Variants in CERS6 observed in about 807,000 individuals in gnomAD.
CERS6 encodes ceramide synthase 6, also known as LAG1 homolog, ceramide synthase 6.
In CERS6, 26 loss-of-function variants were observed where a neutral mutation model predicts 56.8. That is an observed-to-expected ratio of 0.46 (90% confidence interval 0.34 to 0.63). The LOEUF is 0.63. CERS6 is among the 30% of genes least tolerant of loss of function. The pLI is 0.01. For missense variants in CERS6, 415 were observed against 467.5 expected (o/e 0.89, Z 1.04); for synonymous variants, 164 against 173.3 (o/e 0.95, Z 0.42).
intron 1 of CERS6, among the ~76,000 whole-genome samples, chr2:168,458,706 G>C (rs1369448038): frequency 6.6e-6 from 1 of 152,196 alleles, no homozygotes; most frequent in African/African-American, 2.4e-5. Flanking sequence ...TTAATGTTCA[G>C]AATAATAATC....
At chr2:168,746,229 T>A (rs1684092274) in intron 8 of CERS6, among the ~76,000 whole-genome samples, 1 of 152,214 alleles carries the variant, frequency 6.6e-6, no homozygotes, top group Non-Finnish European at 1.5e-5. Flanking sequence ...AAGTAGGTTT[T>A]AGCAACCTCA....
rs78942152 is a variant in CERS6 at position 168,614,300 on chromosome 2, C to T, written c.408-16685C>T. Among the ~76,000 whole-genome samples, 71 of 152,308 alleles carry T rather than the reference C, an allele frequency of 4.7e-4. 1 individual carries two copies. In the East Asian group the frequency reaches 0.013, roughly 28 times the overall value. On this transcript the variant is annotated intron_variant, in intron 3 of 9. Coordinates refer to ENST00000305747, the MANE Select transcript of CERS6 (RefSeq NM_203463.3). ...TAATATACATATGCATATGTGTGAA[C>T]ATATACACATGTATAAACATCTGTG... is the stretch of plus-strand genomic sequence containing the variant.
At chr2:168,703,398 A>T (rs1483646070) in intron 6 of CERS6, among the ~76,000 whole-genome samples, 1 of 152,126 alleles carries the variant, frequency 6.6e-6, no homozygotes, top group East Asian at 1.9e-4. Flanking sequence ...CTCTACTAAA[A>T]GTACAAAAAA....
At chr2:168,494,386 C>A (rs565807098) in intron 1 of CERS6, among the ~76,000 whole-genome samples, 42 of 152,264 alleles carry the variant, frequency 2.8e-4, no homozygotes, top group African/African-American at 9.9e-4. Context: ...GTTAGTTAAC[C>A]TTTCTGTGCT....
intron 1 of CERS6, among the ~76,000 whole-genome samples, chr2:168,514,367 C>A (rs913439602): frequency 7.9e-5 from 12 of 152,138 alleles, no homozygotes; most frequent in Non-Finnish European, 1.6e-4. Context: ...CTTGCTTTTC[C>A]TAGATTTAAT....
At chr2:168,499,655 G>A (rs1205611689) in intron 1 of CERS6, among the ~76,000 whole-genome samples, 1 of 152,084 alleles carries the variant, frequency 6.6e-6, no homozygotes, top group Non-Finnish European at 1.5e-5. Context: ...CTCCTTGTTT[G>A]GCTAGAAGAA....
intron 1 of CERS6, among the ~76,000 whole-genome samples, chr2:168,508,854 G>A (rs951587487): frequency 3.3e-5 from 5 of 152,128 alleles, no homozygotes; most frequent in African/African-American, 1.2e-4. Flanking sequence ...AGAACTTAAA[G>A]TATAATAAAA....
In CERS6 at chr2:168,773,598, C is replaced by T. The variant is rs2105477637; in HGVS notation, c.*3936C>T. 6.6e-6 allele frequency: 1 copy of T among 152,348 alleles called. No individual in the cohort carries two copies. The highest frequency in any genetic ancestry group is 2.4e-5 in the African/African-American group (1 of 41,590). 9.4% of individuals were successfully genotyped at this position (152,348 alleles called of 1,614,324 possible). On this transcript the variant is annotated 3_prime_UTR_variant, in exon 10 of 10. Coordinates refer to ENST00000305747, the MANE Select transcript of CERS6 (RefSeq NM_203463.3). ...AAATGCAATGAGCCCAGTTACTGCA[C>T]TTGCCACTACCATGCTGTCCATGGA...
At chr2:168,629,453 C>A (rs1684662401) in intron 3 of CERS6, among the ~76,000 whole-genome samples, 1 of 152,142 alleles carries the variant, frequency 6.6e-6, no homozygotes. Context: ...CTTGAGGCAT[C>A]ATTATAGCAC....
intron 6 of CERS6, among the ~76,000 whole-genome samples, chr2:168,697,663 GC>G (rs1278653553): frequency 6.6e-6 from 1 of 151,784 alleles, no homozygotes; most frequent in Non-Finnish European, 1.5e-5. Context: ...ACCAAGCAGA[GC>G]CCTGTGATTC....
intron 2 of CERS6, among the ~76,000 whole-genome samples, chr2:168,556,129 T>C (rs1177720624): frequency 6.6e-6 from 1 of 152,026 alleles, no homozygotes; most frequent in Admixed American, 6.6e-5. Context: ...TATCAAAGCA[T>C]AGAAAATTAA....
chr2:168,749,788 G>A (rs374969080), intron 8 of CERS6, among the ~76,000 whole-genome samples: 1 of 152,144 alleles, frequency 6.6e-6, no homozygotes, highest in Non-Finnish European at 1.5e-5. Context: ...TCTTGGCTTT[G>A]CCCAGGAAAA....
chr2:168,686,451 C>A (rs200792402), intron 4 of CERS6, among the ~76,000 whole-genome samples: 95 of 139,678 alleles, frequency 6.8e-4, no homozygotes, highest in Admixed American at 9.3e-4. Flanking sequence ...TTAACCAAGG[C>A]AAAAAAAAAA....
chr2:168,581,296 G>A (rs923236442), intron 3 of CERS6, among the ~76,000 whole-genome samples: 22 of 152,338 alleles, frequency 1.4e-4, no homozygotes, highest in African/African-American at 5.3e-4. Flanking sequence ...TGGGATTACA[G>A]GCGTGAGCCA....
intron 8 of CERS6, among the ~76,000 whole-genome samples, chr2:168,727,197 A>G (rs1029689364): frequency 1.3e-5 from 2 of 152,062 alleles, no homozygotes; most frequent in South Asian, 2.1e-4. Flanking sequence ...TGCTCTGTTC[A>G]CTGAAAAGTA....
At chr2:168,598,325 C>T (rs1239365132) in intron 3 of CERS6, among the ~76,000 whole-genome samples, 1 of 151,912 alleles carries the variant, frequency 6.6e-6, no homozygotes, top group Non-Finnish European at 1.5e-5. Flanking sequence ...ATATGGCAAC[C>T]TCGTTTTTGG....
chr2:168,680,067 G>A (rs1403716605), intron 4 of CERS6, among the ~76,000 whole-genome samples: 2 of 152,224 alleles, frequency 1.3e-5, no homozygotes, highest in East Asian at 3.9e-4. Flanking sequence ...TGGAGAGAAA[G>A]ACTCACAAAT....
chr2:168,585,824 C>T (rs1243046623), intron 3 of CERS6, among the ~76,000 whole-genome samples: 1 of 152,190 alleles, frequency 6.6e-6, no homozygotes, highest in African/African-American at 2.4e-5. Flanking sequence ...TCTTGGGCCA[C>T]GTCTCCCTGT....
intron 4 of CERS6, among the ~76,000 whole-genome samples, chr2:168,663,006 T>C (rs1045731936): frequency 1.1e-4 from 16 of 152,228 alleles, no homozygotes; most frequent in African/African-American, 3.6e-4. Flanking sequence ...GAATCCAGTG[T>C]GAATGGAGCC....
Sources: allele counts gnomAD v4.1 joint callset (sites outside exome capture counted in the v4.1 genomes callset), GRCh38; gene constraint gnomAD v4.1.1; transcripts MANE v1.5; gene names NCBI Gene and HGNC (gene_info 2026-07-23, HGNC 2026-07-21).